GALNT13: variants seen among roughly 807,000 people sequenced by gnomAD.
The protein encoded by GALNT13 is UDP-GalNAc:polypeptide N-acetylgalactosaminyltransferase 13.
GALNT13 carries 28 observed loss-of-function variants against 64.2 expected under a neutral mutation model. The ratio of observed to expected loss-of-function variants is 0.44; its 90% CI spans 0.32 to 0.60. The LOEUF (loss-of-function observed/expected upper bound fraction) is 0.60, where lower values mean the gene tolerates loss of function less well. GALNT13 is among the 20% of genes least tolerant of loss of function. The probability of loss-of-function intolerance (pLI) is 0.05; values close to 1 mark genes in which losing one functional copy is unlikely to be tolerated. For synonymous variants in GALNT13, 214 were observed against 224.6 expected (o/e 0.95, Z 0.42); for missense variants, 577 against 669.8 (o/e 0.86, Z 1.53).
the GALNT13 span, among the ~76,000 whole-genome samples, chr2:153,774,597 A>G: frequency 6.6e-6 from 1 of 152,152 alleles, no homozygotes; most frequent in Admixed American, 6.6e-5. Context: ...GTTGAAATTT[A>G]GTCAAGAACA....
In GALNT13 at chr2:154,019,970, C is replaced by G. The variant is rs1003509060; in HGVS notation, c.142+75331C>G. ...TGTGGTGTTTGGTTTTTTGTCCTTG[C>G]AATAGTTTGCTGAGAATGATGGTTT... On this transcript the variant is annotated intron_variant, in intron 3 of 12. Transcript: ENST00000392825. Among the ~76,000 whole-genome samples the G allele has an allele frequency of 3.3e-5, 5 of 151,836 alleles. No homozygotes were observed. In the South Asian group the frequency reaches 1.0e-3, roughly 32 times the overall value.
the GALNT13 span, among the ~76,000 whole-genome samples, chr2:153,583,996 G>A: frequency 6.6e-6 from 1 of 152,180 alleles, no homozygotes; most frequent in African/African-American, 2.4e-5. Context: ...CTGAGTTGCT[G>A]ACTTGGTACA....
At chr2:153,581,394 G>T in the GALNT13 span, among the ~76,000 whole-genome samples, 11 of 151,908 alleles carry the variant, frequency 7.2e-5, no homozygotes, top group Admixed American at 2.0e-4. Context: ...TTAGCAAATA[G>T]GGGATGTTCA....
chr2:153,724,014 A>G, the GALNT13 span, among the ~76,000 whole-genome samples: 1 of 147,772 alleles, frequency 6.8e-6, no homozygotes, highest in Admixed American at 6.7e-5. Flanking sequence ...CTAAGCCAAA[A>G]GAACAAAGCT....
the GALNT13 span, among the ~76,000 whole-genome samples, chr2:153,505,334 C>A: frequency 2.6e-5 from 4 of 152,128 alleles, no homozygotes; most frequent in African/African-American, 9.6e-5. Flanking sequence ...CTTTTTGTTA[C>A]ATTTATCTTT....
intron 1 of GALNT13, among the ~76,000 whole-genome samples, chr2:153,872,900 T>A: frequency 6.6e-6 from 1 of 152,302 alleles, no homozygotes; most frequent in African/African-American, 2.4e-5. Context: ...TTTCTCTTTC[T>A]GAGCCTTGGT....
chr2:153,224,826 A>G, the GALNT13 span, among the ~76,000 whole-genome samples: 1 of 152,322 alleles, frequency 6.6e-6, no homozygotes, highest in African/African-American at 2.4e-5. Context: ...AGCCCTTTAC[A>G]TATTAAATAT....
the GALNT13 span, among the ~76,000 whole-genome samples, chr2:153,610,401 G>C: frequency 6.6e-6 from 1 of 152,090 alleles, no homozygotes. Flanking sequence ...TGGGCCGGGC[G>C]CTGTGGCTCA....
chr2:153,447,007 A>G, the GALNT13 span: 3 of 152,208 alleles, frequency 2.0e-5, no homozygotes, highest in Admixed American at 1.3e-4. Context: ...ATAGACACAC[A>G]TATTCTTTAC....
chr2:154,337,497 A>C (rs1267849546), intron 9 of GALNT13, among the ~76,000 whole-genome samples: 1 of 152,030 alleles, frequency 6.6e-6, no homozygotes, highest in African/African-American at 2.4e-5. Context: ...TCCATTTTTG[A>C]AATGTTTTAA....
At chr2:153,730,613 T>C in the GALNT13 span, among the ~76,000 whole-genome samples, 1 of 151,362 alleles carries the variant, frequency 6.6e-6, no homozygotes, top group East Asian at 1.9e-4. Context: ...AAACATACAA[T>C]CTACAGAAGG....
At chr2:153,490,148 G>A in the GALNT13 span, among the ~76,000 whole-genome samples, 17 of 152,202 alleles carry the variant, frequency 1.1e-4, no homozygotes, top group Admixed American at 1.0e-3. Context: ...TCATTTGTTC[G>A]GTTCTTGTGA....
the GALNT13 span, among the ~76,000 whole-genome samples, chr2:153,204,148 C>T: frequency 6.6e-6 from 1 of 152,140 alleles, no homozygotes; most frequent in Non-Finnish European, 1.5e-5. Flanking sequence ...TTGGGTATTC[C>T]CTTCCCTTCC....
chr2:153,986,802 G>C (rs1694830610), intron 3 of GALNT13, among the ~76,000 whole-genome samples: 1 of 151,976 alleles, frequency 6.6e-6, no homozygotes, highest in African/African-American at 2.4e-5. Context: ...ACTATGAAAA[G>C]CTGGGCAAAA....
intron 3 of GALNT13, among the ~76,000 whole-genome samples, chr2:154,022,783 A>T (rs1182652692): frequency 6.6e-6 from 1 of 151,768 alleles, no homozygotes; most frequent in Admixed American, 6.6e-5. Flanking sequence ...TTTAATTGTG[A>T]TGTTAGGGTG....
the GALNT13 span, among the ~76,000 whole-genome samples, chr2:153,170,450 G>A: frequency 1.3e-5 from 2 of 152,202 alleles, no homozygotes; most frequent in Non-Finnish European, 1.5e-5. Context: ...GTAATTATAA[G>A]AAGAAATGTA....
the GALNT13 span, among the ~76,000 whole-genome samples, chr2:153,199,106 G>C: frequency 1.3e-5 from 2 of 152,310 alleles, no homozygotes; most frequent in South Asian, 4.1e-4. Context: ...GTGAGAATTT[G>C]ATCCTGTGGG....
At chr2:154,286,224 A>G (rs573168385) in intron 8 of GALNT13, among the ~76,000 whole-genome samples, 1 of 152,324 alleles carries the variant, frequency 6.6e-6, no homozygotes, top group East Asian at 1.9e-4. Context: ...TATGTTGAAT[A>G]TAAGTGGCAA....
At chr2:154,140,256 C>A (rs1293123167) in intron 3 of GALNT13, 81 bp from the exon 4 acceptor site, 6 of 1,020,368 alleles carry the variant, frequency 5.9e-6, no homozygotes, top group East Asian at 5.1e-5. Flanking sequence ...GCTTCAGAAT[C>A]TAATCAGACA....
Sources: allele counts gnomAD v4.1 joint callset (sites outside exome capture counted in the v4.1 genomes callset), GRCh38; gene constraint gnomAD v4.1.1; transcripts MANE v1.5; gene names NCBI Gene and HGNC (gene_info 2026-07-23, HGNC 2026-07-21).